The following RGS6 variants were observed in gnomAD, a reference collection of about 807,000 sequenced individuals.
RGS6 encodes regulator of G protein signaling 6, also known as regulator of G-protein signaling 6.
RGS6 carries 30 observed loss-of-function variants against 78.5 expected under a neutral mutation model. The observed-to-expected ratio is 0.38, with a 90% confidence interval of 0.29 to 0.52. The LOEUF is 0.52. Among genes scored for constraint, RGS6 ranks in the 20% least tolerant of loss-of-function variants. RGS6 has a pLI of 0.85. For missense variants in RGS6, 495 were observed against 609.7 expected, an observed-to-expected ratio of 0.81 and a Z score of 1.98; for synonymous variants, 206 against 206.0, an observed-to-expected ratio of 1.00 and a Z score of 0.00.
chr14:71,923,853 C>A, the RGS6 span, among the ~76,000 whole-genome samples: 1 of 152,046 alleles, frequency 6.6e-6, no homozygotes, highest in African/African-American at 2.4e-5. Context: ...TTAAAATGTT[C>A]TACGGATTAA....
At chr14:72,458,568 AT>A (rs751769287) in intron 5 of RGS6, among the ~76,000 whole-genome samples, 191 bp downstream of exon 5, 1 of 152,212 alleles carries the variant, frequency 6.6e-6, no homozygotes, top group Non-Finnish European at 1.5e-5. Flanking sequence ...AAAGGCTGTC[AT>A]TGAGAGCCTA....
intron 2 of RGS6, among the ~76,000 whole-genome samples, chr14:72,179,100 G>A (rs961395886): frequency 8.5e-5 from 13 of 152,192 alleles, no homozygotes; most frequent in Admixed American, 2.6e-4. Context: ...ATTTTCTCTG[G>A]AAAAGTAAGA....
At chr14:72,243,547 C>T (rs190438173) in intron 2 of RGS6, among the ~76,000 whole-genome samples, 1 of 152,292 alleles carries the variant, frequency 6.6e-6, no homozygotes, top group African/African-American at 2.4e-5. Context: ...GATTGCCTTC[C>T]AACTCTTCCC....
chr14:71,936,754 T>C (rs1296344362), intron 1 of RGS6, among the ~76,000 whole-genome samples: 1 of 152,178 alleles, frequency 6.6e-6, no homozygotes, highest in East Asian at 1.9e-4. Flanking sequence ...AATGAAGATA[T>C]TTTCTTAGTA....
At chr14:72,163,336 T>G (rs2096879088) in intron 2 of RGS6, among the ~76,000 whole-genome samples, 1 of 152,218 alleles carries the variant, frequency 6.6e-6, no homozygotes, top group Non-Finnish European at 1.5e-5. Flanking sequence ...AGAGAATGAC[T>G]ACAGGAAATG....
chr14:72,478,459 G>GA, intron 12 of RGS6, 130 bp downstream of exon 12: 1 of 676,888 alleles, frequency 1.5e-6, no homozygotes, highest in Non-Finnish European at 2.6e-6. Flanking sequence ...CTGGGGTGCA[G>GA]AAAAACCCAC....
chr14:72,598,851 G>T, the RGS6 span, among the ~76,000 whole-genome samples: 3 of 152,194 alleles, frequency 2.0e-5, no homozygotes, highest in Non-Finnish European at 4.4e-5. Flanking sequence ...TAGGACTTCG[G>T]TCTCCTCTTC....
intron 17 of RGS6, chr14:72,547,382 C>A: frequency 7.2e-7 from 1 of 1,389,070 alleles, no homozygotes; most frequent in South Asian, 1.2e-5. Context: ...GACCCCCCCC[C>A]GACCCATGGA....
rs140803909 is a variant in RGS6, at chr14:72,262,479, C to T, written c.85-89616C>T. 7.6e-3 allele frequency among the ~76,000 whole-genome samples: 1,162 copies of T among 152,222 alleles called. 10 individuals are homozygous for T. The highest frequency in any genetic ancestry group is 0.025 in the African/African-American group (1,031 of 41,520). ...CTTCTTCTAAAGACACCAATGCTACCTATTAGGGCCCATCTCTTATGACCA... is the reference window on the plus strand; with the variant it reads ...CTTCTTCTAAAGACACCAATGCTACTTATTAGGGCCCATCTCTTATGACCA... On this transcript the variant is annotated intron_variant, in intron 2 of 17. Coordinates refer to ENST00000553525, the MANE Select transcript of RGS6 (RefSeq NM_001204424.2).
At chr14:72,171,991 G>A (rs1258941029) in intron 2 of RGS6, among the ~76,000 whole-genome samples, 2 of 152,148 alleles carry the variant, frequency 1.3e-5, no homozygotes, top group Non-Finnish European at 2.9e-5. Flanking sequence ...CAGGGTCGAT[G>A]AGCTTGCCAT....
intron 2 of RGS6, among the ~76,000 whole-genome samples, chr14:72,037,970 A>ATTATTTTATTTTATTTTATT (rs57374454): frequency 0.087 from 13,102 of 151,210 alleles, 662 homozygotes; most frequent in East Asian, 0.17. Flanking sequence ...TTTATTTTTT[A>ATTATTTTATTTTATTTTATT]TTATTTTATT....
intron 2 of RGS6, among the ~76,000 whole-genome samples, chr14:72,052,360 G>A (rs1251527143): frequency 6.6e-6 from 1 of 152,168 alleles, no homozygotes; most frequent in Non-Finnish European, 1.5e-5. Flanking sequence ...ATAAGTGGTA[G>A]CAGGTCCTTA....
chr14:72,471,188 G>T (rs1381407150), intron 8 of RGS6, among the ~76,000 whole-genome samples: 1 of 152,150 alleles, frequency 6.6e-6, no homozygotes, highest in Non-Finnish European at 1.5e-5. Context: ...GAGATGAAAG[G>T]AAGAAAAAAG....
At chr14:71,879,585 G>T in the RGS6 span, among the ~76,000 whole-genome samples, 3 of 152,116 alleles carry the variant, frequency 2.0e-5, no homozygotes, top group African/African-American at 7.2e-5. Flanking sequence ...TCGTGGTAGT[G>T]AATAAGTCTC....
intron 2 of RGS6, among the ~76,000 whole-genome samples, chr14:72,203,700 C>T (rs2042088764): frequency 6.6e-6 from 1 of 152,164 alleles, no homozygotes; most frequent in Non-Finnish European, 1.5e-5. Flanking sequence ...GAGAAAGATC[C>T]AAGATGGAAG....
chr14:72,234,493 G>A (rs915473144), intron 2 of RGS6, among the ~76,000 whole-genome samples: 1 of 152,126 alleles, frequency 6.6e-6, no homozygotes, highest in African/African-American at 2.4e-5. Context: ...AAATTTATAT[G>A]AGGACATAAA....
chr14:72,540,246 C>T (rs757560523), intron 17 of RGS6, 152 bp downstream of exon 17: 18 of 1,538,200 alleles, frequency 1.2e-5, no homozygotes, highest in Admixed American at 6.6e-5. Flanking sequence ...TTTTCTTTTG[C>T]GAGTGTCTGC....
intron 3 of RGS6, among the ~76,000 whole-genome samples, chr14:72,424,850 T>C (rs1235090852): frequency 1.3e-5 from 2 of 152,204 alleles, no homozygotes; most frequent in Non-Finnish European, 2.9e-5. Context: ...CCTGTGCAGA[T>C]GGTCTTTCAA....
chr14:71,949,371 C>T (rs1020979492), intron 1 of RGS6, among the ~76,000 whole-genome samples: 2 of 151,766 alleles, frequency 1.3e-5, no homozygotes, highest in Admixed American at 6.6e-5. Context: ...CTGGTGGGTG[C>T]GTAGTGATGT....
Sources: gnomAD v4.1 joint callset for allele counts (sites outside exome capture counted in the v4.1 genomes callset) on GRCh38, gnomAD v4.1.1 for gene constraint, MANE v1.5 for transcripts, NCBI Gene and HGNC (gene_info 2026-07-23, HGNC 2026-07-21) for gene names.